The following PPP1R1C variants were observed in gnomAD, a reference collection of about 807,000 sequenced individuals.
PPP1R1C encodes protein phosphatase 1 regulatory subunit 1C.
Under a neutral mutation model 17.4 loss-of-function variants are expected in PPP1R1C, and 15 were observed. That is an observed-to-expected ratio of 0.86 (90% CI 0.58 to 1.33). PPP1R1C has a LOEUF of 1.33. Ranked by LOEUF, PPP1R1C falls within the 40% of genes most tolerant of loss-of-function variation. The pLI is 0.00. For synonymous variants in PPP1R1C, 35 were observed against 43.1 expected (o/e 0.81, Z 0.73); for missense variants, 143 against 130.0 (o/e 1.10, Z -0.48).
intron 2 of PPP1R1C, among the ~76,000 whole-genome samples, chr2:182,034,331 C>G (rs1194687799): frequency 1.3e-5 from 2 of 151,858 alleles, no homozygotes; most frequent in Non-Finnish European, 2.9e-5. Flanking sequence ...GTAGCTTAGT[C>G]TAGGTGGTCC....
intron 4 of PPP1R1C, among the ~76,000 whole-genome samples, chr2:182,109,214 T>C (rs1232247560): frequency 6.6e-6 from 1 of 152,218 alleles, no homozygotes; most frequent in African/African-American, 2.4e-5. Context: ...TGTTGAGTTT[T>C]AAGAGTCCTT....
rs1326970795 is a variant in PPP1R1C, at chr2:181,957,431, C to T, written n.111+2797C>T. Among the ~76,000 whole-genome samples the T allele has an allele frequency of 6.6e-6, 1 of 152,180 alleles. No individual in the cohort carries two copies. The highest frequency in any genetic ancestry group is 1.5e-5 in the Non-Finnish European group (1 of 68,038). Reference sequence around the variant, plus strand: ...AATTCCACTCAATTCATGAAGCCATCTCAGTTTCTTCTGGGACAGGTAGTA... The same window carrying T: ...AATTCCACTCAATTCATGAAGCCATTTCAGTTTCTTCTGGGACAGGTAGTA... On this transcript the variant is annotated intron_variant and non_coding_transcript_variant, in intron 1 of 5. Transcript: ENST00000464264. This position sits in a 1 kb window ranked among gnomAD's most constrained non-coding sequence, Gnocchi z 4.2.
At chr2:181,959,256 AC>A (rs754164902) in intron 1 of PPP1R1C, among the ~76,000 whole-genome samples, 56 of 152,140 alleles carry the variant, frequency 3.7e-4, no homozygotes, top group Non-Finnish European at 7.6e-4. Flanking sequence ...GATATTAGCA[AC>A]CTCATTTTGA....
intron 2 of PPP1R1C, among the ~76,000 whole-genome samples, chr2:182,005,613 A>T (rs968368655): frequency 6.6e-6 from 1 of 152,214 alleles, no homozygotes; most frequent in African/African-American, 2.4e-5. Flanking sequence ...AACTAGGGGC[A>T]TCTGTTATAT....
At position 181,985,957 on chromosome 2, in the gene PPP1R1C, G is replaced by C. The variant is rs986076529; in HGVS notation, c.-154G>C. 1 of 652,818 alleles carries C rather than the reference G, an allele frequency of 1.5e-6. No homozygotes were observed. Among genetic ancestry groups the C allele is most frequent in the African/African-American group, 1.8e-5 (1 of 55,668 alleles). The allele number at this position is 652,818 out of a possible 1,614,324, so 40.4% of individuals were successfully genotyped here. A position where few individuals can be genotyped will look rare whatever the true frequency, so the allele number is the denominator to read the frequency against. ...TGAAGAAGGGGGTTACTCAAACCTC[G>C]GCATCTTCACTTGCTCGATCTGGAA... On this transcript the variant is annotated 5_prime_UTR_variant, in exon 1 of 5. Coordinates refer to ENST00000682840, the MANE Select transcript of PPP1R1C (RefSeq NM_001080545.3). This position sits in a 1 kb window ranked among gnomAD's most constrained non-coding sequence, Gnocchi z 4.1.
At chr2:182,062,502 A>G (rs1297975702) in intron 3 of PPP1R1C, among the ~76,000 whole-genome samples, 1 of 152,132 alleles carries the variant, frequency 6.6e-6, no homozygotes, top group Non-Finnish European at 1.5e-5. Flanking sequence ...TCAATCATCC[A>G]CATATTTAAC....
At chr2:181,964,178 T>C (rs945119056) in intron 1 of PPP1R1C, among the ~76,000 whole-genome samples, 1 of 152,162 alleles carries the variant, frequency 6.6e-6, no homozygotes, top group Admixed American at 6.5e-5. Context: ...ATTGTTTTAA[T>C]TTTTAGCTCC....
chr2:182,093,024 C>A (rs770459680), intron 4 of PPP1R1C, among the ~76,000 whole-genome samples: 1 of 152,208 alleles, frequency 6.6e-6, no homozygotes. Flanking sequence ...GCTTTGACCC[C>A]ACATTTCCCC....
At chr2:182,089,909 A>G (rs2125219838) in intron 4 of PPP1R1C, among the ~76,000 whole-genome samples, 1 of 152,182 alleles carries the variant, frequency 6.6e-6, no homozygotes, top group East Asian at 1.9e-4. Context: ...CTAATGGCAT[A>G]AATATTTTAC....
At chr2:182,006,043 T>G (rs1685914213) in intron 2 of PPP1R1C, among the ~76,000 whole-genome samples, 1 of 72,904 alleles carries the variant, frequency 1.4e-5, no homozygotes, top group Admixed American at 1.2e-4. Flanking sequence ...AGAATATTCT[T>G]TTTTTCTTTC....
chr2:182,005,994 A>G (rs999777528), intron 2 of PPP1R1C, among the ~76,000 whole-genome samples: 1 of 152,146 alleles, frequency 6.6e-6, no homozygotes, highest in African/African-American at 2.4e-5. Flanking sequence ...TACTCACAGT[A>G]AATAAAACAT....
intron 4 of PPP1R1C, among the ~76,000 whole-genome samples, chr2:182,064,711 G>C (rs777451947): frequency 6.6e-6 from 1 of 152,080 alleles, no homozygotes; most frequent in Non-Finnish European, 1.5e-5. Context: ...CACCATGTTT[G>C]CTTGTTCATA....
intron 1 of PPP1R1C, among the ~76,000 whole-genome samples, chr2:181,955,672 A>G (rs1378746161): frequency 2.0e-5 from 3 of 152,186 alleles, no homozygotes; most frequent in Non-Finnish European, 2.9e-5. Flanking sequence ...CTAAAGTAAC[A>G]TTTGTCTACT....
Position 182,117,741 on chromosome 2 carries a change from A to G in PPP1R1C, c.*446A>G, listed in dbSNP as rs1689632511. ...TTTAGCTTAAAGAGAAATATCTAAT[A>G]AAGCTTTTAGCTTGAGATTTGCATT... On this transcript the variant is annotated 3_prime_UTR_variant, in exon 5 of 5. Coordinates refer to ENST00000682840, the MANE Select transcript of PPP1R1C (RefSeq NM_001080545.3). 1.3e-5 allele frequency: 2 copies of G among 153,250 alleles called. No individual in the cohort carries two copies. The highest frequency in any genetic ancestry group is 1.3e-4 in the Admixed American group (2 of 15,428). 9.5% of individuals were successfully genotyped at this position (153,250 alleles called of 1,614,324 possible).
chr2:182,114,167 T>C (rs1210914349), intron 4 of PPP1R1C, among the ~76,000 whole-genome samples: 1 of 152,204 alleles, frequency 6.6e-6, no homozygotes, highest in African/African-American at 2.4e-5. Flanking sequence ...TTCAATGTGT[T>C]TTTTGGGATT....
intron 2 of PPP1R1C, among the ~76,000 whole-genome samples, chr2:181,988,920 A>G (rs1034597135): frequency 6.6e-6 from 1 of 152,178 alleles, no homozygotes; most frequent in Non-Finnish European, 1.5e-5. Flanking sequence ...TTATAATTTG[A>G]TCCTATAACT....
At chr2:182,097,500 T>C (rs1224669045) in intron 4 of PPP1R1C, among the ~76,000 whole-genome samples, 1 of 152,192 alleles carries the variant, frequency 6.6e-6, no homozygotes, top group East Asian at 1.9e-4. Context: ...TCTAAGTGAA[T>C]TGACAGGGGA....
chr2:181,997,085 T>C (rs1289297941), intron 2 of PPP1R1C, among the ~76,000 whole-genome samples: 1 of 151,548 alleles, frequency 6.6e-6, no homozygotes, highest in Admixed American at 6.6e-5. Context: ...AAACATTAGC[T>C]GGGCGCGGTG....
intron 2 of PPP1R1C, among the ~76,000 whole-genome samples, chr2:182,042,422 C>A (rs967614025): frequency 6.6e-6 from 1 of 152,106 alleles, no homozygotes; most frequent in Admixed American, 6.5e-5. Flanking sequence ...TTATCAAGGT[C>A]ATTGCTGTGA....
Sources: allele counts gnomAD v4.1 joint callset (sites outside exome capture counted in the v4.1 genomes callset), GRCh38; gene constraint gnomAD v4.1.1; non-coding constraint Gnocchi (gnomAD v3.1); transcripts MANE v1.5; gene names NCBI Gene and HGNC (gene_info 2026-07-23, HGNC 2026-07-21).